GPR107: variants seen among roughly 807,000 people sequenced by gnomAD.
GPR107 encodes the protein protein GPR107.
A neutral mutation model predicts 75.5 loss-of-function variants in GPR107; 31 were observed. That is an observed-to-expected ratio of 0.41 (90% CI 0.31 to 0.55). The LOEUF is 0.55. Among genes scored for constraint, GPR107 ranks in the 20% least tolerant of loss-of-function variants. GPR107 has a pLI of 0.26. For synonymous variants in GPR107, 267 were observed against 251.3 expected (o/e 1.06, Z -0.59); for missense variants, 572 against 665.7 (o/e 0.86, Z 1.55).
intron 14 of GPR107, among the ~76,000 whole-genome samples, chr9:130,120,120 G>C (rs1366415519): frequency 6.6e-6 from 1 of 152,234 alleles, no homozygotes; most frequent in Non-Finnish European, 1.5e-5. Flanking sequence ...GGAAACAACT[G>C]TGAGCTCTGC....
chr9:130,109,767 C>T (rs183379462), intron 14 of GPR107, among the ~76,000 whole-genome samples: 1 of 151,734 alleles, frequency 6.6e-6, no homozygotes, highest in Admixed American at 6.6e-5. Flanking sequence ...GACAGGGTTC[C>T]ACTATGTTGG....
chr9:130,115,758 G>A (rs1278688296), intron 14 of GPR107, among the ~76,000 whole-genome samples: 7 of 100,588 alleles, frequency 7.0e-5, no homozygotes, highest in East Asian at 4.9e-4. Flanking sequence ...GCAAGACTCC[G>A]TCTCAAAAAA....
chr9:130,126,782 T>A (rs543627690), intron 15 of GPR107, among the ~76,000 whole-genome samples: 57 of 152,290 alleles, frequency 3.7e-4, no homozygotes, highest in Non-Finnish European at 4.4e-5. Context: ...ATTTTTTTTT[T>A]CTTTCTTTGT....
At chr9:130,116,127 C>T (rs555451642) in intron 14 of GPR107, among the ~76,000 whole-genome samples, 9 of 152,166 alleles carry the variant, frequency 5.9e-5, no homozygotes, top group South Asian at 2.1e-4. Context: ...TCATATCATC[C>T]GGCTGAGAAG....
chr9:130,073,756 TTTG>T (rs1039600549), intron 1 of GPR107, among the ~76,000 whole-genome samples: 29 of 152,116 alleles, frequency 1.9e-4, no homozygotes, highest in Admixed American at 5.2e-4. Flanking sequence ...GTTTTGTTTG[TTTG>T]TTGTTGTTGT....
At chr9:130,075,422 T>C (rs976784768) in intron 1 of GPR107, among the ~76,000 whole-genome samples, 6 of 151,958 alleles carry the variant, frequency 3.9e-5, no homozygotes, top group African/African-American at 1.5e-4. Flanking sequence ...CTTTTTGTAT[T>C]TTTAGTAGAG....
intron 1 of GPR107, among the ~76,000 whole-genome samples, chr9:130,056,218 G>C (rs1008974311): frequency 6.6e-6 from 1 of 152,110 alleles, no homozygotes; most frequent in Non-Finnish European, 1.5e-5. Context: ...TTCAGAGGCT[G>C]AGGTGGGTGG....
chr9:130,120,495 C>T (rs1340241091), intron 14 of GPR107, among the ~76,000 whole-genome samples: 1 of 152,232 alleles, frequency 6.6e-6, no homozygotes, highest in Non-Finnish European at 1.5e-5. Flanking sequence ...GCATTTCCTT[C>T]CCTGTGAAAG....
chr9:130,088,993 A>T (rs776974184), intron 7 of GPR107, among the ~76,000 whole-genome samples: 16 of 151,994 alleles, frequency 1.1e-4, no homozygotes, highest in Non-Finnish European at 2.1e-4. Flanking sequence ...CTCTACTAAA[A>T]AAATAAATAA....
At chr9:130,081,532 G>C (rs1180310729) in intron 5 of GPR107, among the ~76,000 whole-genome samples, 1 of 151,984 alleles carries the variant, frequency 6.6e-6, no homozygotes, top group Non-Finnish European at 1.5e-5. Context: ...AATTAGCCGG[G>C]CATGGTGGCA....
intron 9 of GPR107, among the ~76,000 whole-genome samples, chr9:130,095,446 G>A (rs996182353): frequency 1.1e-4 from 16 of 152,114 alleles, no homozygotes; most frequent in African/African-American, 3.6e-4. Flanking sequence ...CCAGGCTGGA[G>A]TGCAGTGGTG....
rs1831087335 is a variant in GPR107, at chr9:130,103,529, T to TA, written c.1132-890dup. 7.1e-6 allele frequency among the ~76,000 whole-genome samples: 1 copy of TA among 140,670 alleles called. No individual in the cohort carries two copies. Among genetic ancestry groups the TA allele is most frequent in the Admixed American group, 7.2e-5 (1 of 13,820 alleles). The allele number at this position is 140,670 out of a possible 152,430, so 92.3% of individuals were successfully genotyped here. ...AGTGGAAAGACTTTTTATAAAGACT[T>TA]ATGCTAAGAGCCTAATAACGGGCCT... On this transcript the variant is annotated intron_variant, in intron 12 of 17. Transcript: ENST00000347136. The surrounding 1 kb of genome is among the most constrained non-coding windows in gnomAD (Gnocchi z 4.3).
At chr9:130,101,068 GA>G in intron 11 of GPR107, 37 bp from the exon 12 acceptor site, 3 of 1,140,308 alleles carry the variant, frequency 2.6e-6, no homozygotes. Context: ...AGAGTCTAAA[GA>G]GACCTGCTGG....
At position 130,103,983 on chromosome 9, in the gene GPR107, G is replaced by A. The variant is rs1487547548; in HGVS notation, c.1132-437G>A. Among the ~76,000 whole-genome samples the A allele has an allele frequency of 6.6e-6, 1 of 152,114 alleles. No individual in the cohort carries two copies. The highest frequency in any genetic ancestry group is 2.4e-5 in the African/African-American group (1 of 41,430). On this transcript the variant is annotated intron_variant, in intron 12 of 17. Transcript: ENST00000347136. The surrounding 1 kb of genome is among the most constrained non-coding windows in gnomAD (Gnocchi z 4.3). ...TGGGAGCATCTTGAAGTCTCCACTC[G>A]CATCTGTCTTCTGGGCTGAGAAGCT...
At chr9:130,065,779 A>G (rs1411820992) in intron 1 of GPR107, among the ~76,000 whole-genome samples, 1 of 151,836 alleles carries the variant, frequency 6.6e-6, no homozygotes, top group Non-Finnish European at 1.5e-5. Flanking sequence ...AAAAAAAAAA[A>G]AAAAAAAAAA....
At chr9:130,067,517 ACTGT>A (rs528935538) in intron 1 of GPR107, among the ~76,000 whole-genome samples, 6 of 152,052 alleles carry the variant, frequency 3.9e-5, no homozygotes, top group Non-Finnish European at 7.4e-5. Flanking sequence ...GCCCTCAGTG[ACTGT>A]CTGAGAAGAC....
At chr9:130,120,935 G>A (rs1831532038) in intron 14 of GPR107, 1 of 152,170 alleles carries the variant, frequency 6.6e-6, no homozygotes, top group Non-Finnish European at 1.5e-5. Context: ...GGGCTGGCAG[G>A]GTGGCTCATG....
chr9:130,102,249 C>T (rs982609433), intron 12 of GPR107, among the ~76,000 whole-genome samples: 1 of 152,292 alleles, frequency 6.6e-6, no homozygotes, highest in East Asian at 1.9e-4. Context: ...TTTCGGCTGT[C>T]GAGCCACCGT....
intron 1 of GPR107, among the ~76,000 whole-genome samples, chr9:130,073,257 A>C (rs1354795144): frequency 6.6e-6 from 1 of 152,228 alleles, no homozygotes; most frequent in African/African-American, 2.4e-5. Context: ...ATTCTGCCAG[A>C]GAATGAAGCC....
Sources: gnomAD v4.1 joint callset for allele counts (sites outside exome capture counted in the v4.1 genomes callset) on GRCh38, gnomAD v4.1.1 for gene constraint, Gnocchi (gnomAD v3.1) non-coding constraint, MANE v1.5 for transcripts, NCBI Gene and HGNC (gene_info 2026-07-23, HGNC 2026-07-21) for gene names.